Variants in WDFY3 observed in about 807,000 individuals in gnomAD.
WDFY3 encodes the protein WD repeat and FYVE domain containing 3, also known as WD repeat and FYVE domain-containing protein 3.
WDFY3 carries 66 observed loss-of-function variants against 409.6 expected under a neutral mutation model. The observed-to-expected ratio is 0.16, with a 90% CI of 0.13 to 0.20. WDFY3 has a LOEUF of 0.20. Ranked by LOEUF, WDFY3 falls within the 10% of genes least tolerant of loss-of-function variation. The pLI is 1.00. For missense variants in WDFY3, 3,031 were observed against 4,298.1 expected (o/e 0.71, Z 8.24); for synonymous variants, 1,521 against 1,537.1 (o/e 0.99, Z 0.25).
At chr4:84,827,247 TA>T (rs1353415450) in intron 9 of WDFY3, among the ~76,000 whole-genome samples, 1 of 151,848 alleles carries the variant, frequency 6.6e-6, no homozygotes, top group Non-Finnish European at 1.5e-5. Flanking sequence ...CTCATTAAAA[TA>T]AACCTGGAGA....
intron 19 of WDFY3, among the ~76,000 whole-genome samples, chr4:84,795,518 T>A (rs142857206): frequency 6.6e-6 from 1 of 152,166 alleles, no homozygotes; most frequent in African/African-American, 2.4e-5. Context: ...TCCTAGCACG[T>A]TGGGAGGCTA....
At chr4:84,934,062 T>G (rs1234834040) in intron 1 of WDFY3, among the ~76,000 whole-genome samples, 3 of 152,102 alleles carry the variant, frequency 2.0e-5, no homozygotes, top group Admixed American at 1.3e-4. Flanking sequence ...CTGGATCACA[T>G]GGCAGTTCTA....
At chr4:84,819,530 T>C (rs1408839707) in intron 12 of WDFY3, among the ~76,000 whole-genome samples, 3 of 152,108 alleles carry the variant, frequency 2.0e-5, no homozygotes, top group Non-Finnish European at 4.4e-5. Flanking sequence ...GTAATCTTTT[T>C]TAAAAAGCAA....
intron 67 of WDFY3, among the ~76,000 whole-genome samples, chr4:84,674,597 C>T (rs539173379): frequency 2.0e-5 from 3 of 147,238 alleles, no homozygotes; most frequent in South Asian, 2.2e-4. Context: ...AGGCTGGGTG[C>T]GGAGGCTCAT....
intron 67 of WDFY3, 40 bp from the exon 68 acceptor site, chr4:84,673,031 C>T: frequency 1.2e-6 from 2 of 1,609,916 alleles, no homozygotes; most frequent in Non-Finnish European, 8.5e-7. Context: ...AGGTCTTCTC[C>T]ATGCTTGATC....
chr4:84,808,165 AT>A (rs1751838149), intron 15 of WDFY3, among the ~76,000 whole-genome samples, 168 bp downstream of exon 15: 1 of 152,052 alleles, frequency 6.6e-6, no homozygotes, highest in South Asian at 2.1e-4. Context: ...AAAAACTGAT[AT>A]CTTTAAAATC....
intron 2 of WDFY3, among the ~76,000 whole-genome samples, chr4:84,908,587 T>C (rs1037429253): frequency 3.9e-5 from 6 of 152,208 alleles, no homozygotes; most frequent in African/African-American, 9.6e-5. Flanking sequence ...ATAATTCTAA[T>C]GTACCTCATC....
At chr4:84,850,154 T>A in intron 4 of WDFY3, 129 bp from the exon 5 acceptor site, 1 of 935,976 alleles carries the variant, frequency 1.1e-6, no homozygotes, top group East Asian at 2.8e-5. Flanking sequence ...ACTTTGAATC[T>A]TAATATGTTG....
intron 3 of WDFY3, among the ~76,000 whole-genome samples, chr4:84,875,184 C>T (rs1197959696): frequency 1.3e-5 from 2 of 151,846 alleles, no homozygotes; most frequent in African/African-American, 4.8e-5. Context: ...AGGAGAATCG[C>T]TTGAACCCAG....
intron 1 of WDFY3, among the ~76,000 whole-genome samples, chr4:84,961,166 GATC>G: frequency 6.8e-6 from 1 of 147,420 alleles, no homozygotes; most frequent in South Asian, 2.1e-4. Flanking sequence ...AGTGAGCTGA[GATC>G]ATGCCACTGC....
At chr4:84,734,468 C>T (rs1314554552) in intron 43 of WDFY3, among the ~76,000 whole-genome samples, 1 of 152,004 alleles carries the variant, frequency 6.6e-6, no homozygotes, top group Non-Finnish European at 1.5e-5. Flanking sequence ...AAAATATTAG[C>T]AGTTAACCAT....
intron 51 of WDFY3, among the ~76,000 whole-genome samples, chr4:84,709,928 G>T (rs1251373045): frequency 6.6e-6 from 1 of 152,176 alleles, no homozygotes; most frequent in African/African-American, 2.4e-5. Context: ...GGTTTACCAT[G>T]TTGGCCAGGT....
At chr4:84,884,573 C>T (rs1763938621) in intron 3 of WDFY3, among the ~76,000 whole-genome samples, 1 of 152,084 alleles carries the variant, frequency 6.6e-6, no homozygotes, top group African/African-American at 2.4e-5. Context: ...TCTCAAGGAT[C>T]ATAATGGTTA....
At chr4:84,734,080 T>C (rs1445743207) in intron 43 of WDFY3, among the ~76,000 whole-genome samples, 1 of 152,174 alleles carries the variant, frequency 6.6e-6, no homozygotes, top group Non-Finnish European at 1.5e-5. Context: ...TAGGTAAACA[T>C]TTCCAAAGAT....
At chr4:84,904,224 G>T (rs552883012) in intron 2 of WDFY3, among the ~76,000 whole-genome samples, 22 of 152,046 alleles carry the variant, frequency 1.4e-4, no homozygotes, top group African/African-American at 3.1e-4. Flanking sequence ...TTTCTGTCAT[G>T]CATTCATTCA....
intron 5 of WDFY3, among the ~76,000 whole-genome samples, chr4:84,846,558 G>A (rs1326450404): frequency 1.3e-5 from 2 of 149,422 alleles, no homozygotes; most frequent in Non-Finnish European, 3.0e-5. Flanking sequence ...TAAAAATATA[G>A]TAACAGAGGC....
intron 3 of WDFY3, among the ~76,000 whole-genome samples, chr4:84,866,886 C>T (rs892272077): frequency 6.6e-6 from 1 of 152,222 alleles, no homozygotes; most frequent in Non-Finnish European, 1.5e-5. Context: ...GCTTTGTCTA[C>T]ATTTAAATGT....
At chr4:84,881,964 G>T (rs11947757) in intron 3 of WDFY3, among the ~76,000 whole-genome samples, 25 of 152,032 alleles carry the variant, frequency 1.6e-4, no homozygotes, top group Admixed American at 8.5e-4. Flanking sequence ...TCGTATGGTC[G>T]TATTTATACT....
chr4:84,778,433 A>G (rs1745926171), intron 27 of WDFY3, 70 bp downstream of exon 27: 1 of 1,328,252 alleles, frequency 7.5e-7, no homozygotes, highest in African/African-American at 1.5e-5. Context: ...GAGATAAAAT[A>G]GTTTATAATC....
Sources: allele counts gnomAD v4.1 joint callset (sites outside exome capture counted in the v4.1 genomes callset), GRCh38; gene constraint gnomAD v4.1.1; transcripts MANE v1.5; gene names NCBI Gene and HGNC (gene_info 2026-07-23, HGNC 2026-07-21).